RERE: variants seen among roughly 807,000 people sequenced by gnomAD.
The protein encoded by RERE is arginine-glutamic acid dipeptide repeats, also known as arginine-glutamic acid dipeptide repeats protein.
In RERE, 40 loss-of-function variants were observed where a neutral mutation model predicts 146.1. That is an observed-to-expected ratio of 0.27 (90% CI 0.21 to 0.36). RERE has a LOEUF of 0.36. RERE is among the 10% of genes least tolerant of loss of function. RERE has a pLI of 1.00. For missense variants in RERE, 1,933 were observed against 2,138.7 expected (o/e 0.90, Z 1.90); for synonymous variants, 1,003 against 866.0 (o/e 1.16, Z -2.78).
chr1:8,484,623 A>G (rs1644875603), intron 10 of RERE, among the ~76,000 whole-genome samples: 1 of 152,062 alleles, frequency 6.6e-6, no homozygotes, highest in Non-Finnish European at 1.5e-5. Flanking sequence ...AGGTTTCACT[A>G]TGTTAGCCAG....
intron 1 of RERE, among the ~76,000 whole-genome samples, chr1:8,702,179 A>T (rs1052900495): frequency 4.6e-5 from 7 of 152,198 alleles, no homozygotes; most frequent in African/African-American, 1.7e-4. Flanking sequence ...CTTAAAACAC[A>T]GAGGCACAAA....
chr1:8,667,548 G>C (rs537462435), intron 1 of RERE, among the ~76,000 whole-genome samples: 2 of 152,102 alleles, frequency 1.3e-5, no homozygotes, highest in Admixed American at 6.5e-5. Context: ...ATGGTGGCAC[G>C]TGCCTGTAAT....
intron 3 of RERE, among the ~76,000 whole-genome samples, chr1:8,622,259 T>C (rs111705054): frequency 0.033 from 5,083 of 152,176 alleles, 125 homozygotes; most frequent in Middle Eastern, 0.065. Context: ...CCTGCTAATG[T>C]GCAAAAACTG....
intron 12 of RERE, among the ~76,000 whole-genome samples, chr1:8,374,141 GCCAC>G (rs1439251658): frequency 2.0e-5 from 3 of 152,132 alleles, no homozygotes; most frequent in African/African-American, 7.2e-5. Flanking sequence ...GATCTAAACC[GCCAC>G]CCACGAGGAA....
chr1:8,762,039 T>G (rs1263206315), intron 1 of RERE, among the ~76,000 whole-genome samples: 1 of 152,220 alleles, frequency 6.6e-6, no homozygotes, highest in East Asian at 1.9e-4. Flanking sequence ...CTCTATCATG[T>G]CACTCCTTTA....
At chr1:8,509,081 A>C (rs1379414122) in intron 7 of RERE, among the ~76,000 whole-genome samples, 1 of 152,116 alleles carries the variant, frequency 6.6e-6, no homozygotes, top group Non-Finnish European at 1.5e-5. Context: ...CGCCCGGCTA[A>C]TTTTTGTAAT....
intron 1 of RERE, among the ~76,000 whole-genome samples, chr1:8,718,075 T>C (rs1247018669): frequency 6.6e-6 from 1 of 152,190 alleles, no homozygotes; most frequent in Non-Finnish European, 1.5e-5. Flanking sequence ...CATAAGTGCA[T>C]GCAATTTCAA....
At chr1:8,413,925 C>T (rs28638379) in intron 12 of RERE, among the ~76,000 whole-genome samples, 74,413 of 151,580 alleles carry the variant, frequency 0.49, 18,948 homozygotes, top group East Asian at 0.86. Context: ...CATGGTGGCG[C>T]ATGCCTATAA....
At chr1:8,397,209 G>A (rs1643085154) in intron 12 of RERE, among the ~76,000 whole-genome samples, 1 of 152,132 alleles carries the variant, frequency 6.6e-6, no homozygotes, top group African/African-American at 2.4e-5. Context: ...TAATCTCTCT[G>A]CCTCCTTTCT....
At chr1:8,377,960 C>T (rs1423363165) in intron 12 of RERE, among the ~76,000 whole-genome samples, 2 of 152,040 alleles carry the variant, frequency 1.3e-5, no homozygotes, top group South Asian at 4.1e-4. Context: ...GTAATGACTG[C>T]CAGGAAATGG....
At chr1:8,373,751 T>TC (rs1368452418) in intron 12 of RERE, among the ~76,000 whole-genome samples, 1 of 152,096 alleles carries the variant, frequency 6.6e-6, no homozygotes, top group East Asian at 1.9e-4. Context: ...TTCCTTTCCC[T>TC]CCCCAACGAT....
intron 4 of RERE, among the ~76,000 whole-genome samples, chr1:8,576,652 T>C (rs1023645244): frequency 2.0e-5 from 3 of 152,006 alleles, no homozygotes; most frequent in Non-Finnish European, 2.9e-5. Context: ...AAAACCATAA[T>C]AAAAAAATGC....
intron 12 of RERE, among the ~76,000 whole-genome samples, chr1:8,379,323 G>A (rs548828821): frequency 1.8e-4 from 27 of 152,234 alleles, no homozygotes; most frequent in East Asian, 5.8e-4. Context: ...ATGAAGCTGC[G>A]ACCGGGGAAA....
chr1:8,815,535 C>A (rs1308256829), intron 1 of RERE, among the ~76,000 whole-genome samples: 1 of 152,128 alleles, frequency 6.6e-6, no homozygotes, highest in Admixed American at 6.5e-5. Context: ...AAAGAAAGAG[C>A]AGCAGAAACC....
At chr1:8,615,128 T>C (rs1646837787) in intron 3 of RERE, among the ~76,000 whole-genome samples, 1 of 152,294 alleles carries the variant, frequency 6.6e-6, no homozygotes, top group East Asian at 1.9e-4. Flanking sequence ...ACATAAGACA[T>C]GTACTTAATA....
intron 1 of RERE, among the ~76,000 whole-genome samples, chr1:8,738,475 C>G (rs1640243218): frequency 6.6e-6 from 1 of 151,876 alleles, no homozygotes; most frequent in African/African-American, 2.4e-5. Context: ...CATGAGCCAC[C>G]ACACCCAGCC....
intron 19 of RERE, 101 bp downstream of exon 19, chr1:8,359,663 C>T (rs1326231961): frequency 3.0e-6 from 4 of 1,311,738 alleles, no homozygotes; most frequent in Admixed American, 1.8e-5. Context: ...TGCCAGGAGG[C>T]CGAGTCAGGC....
At chr1:8,468,084 A>G (rs1240647137) in intron 10 of RERE, among the ~76,000 whole-genome samples, 2 of 152,242 alleles carry the variant, frequency 1.3e-5, no homozygotes, top group Non-Finnish European at 2.9e-5. Flanking sequence ...AGCTATAAGA[A>G]TAAATCAACT....
At chr1:8,618,011 AAAC>A (rs1177844649) in intron 3 of RERE, among the ~76,000 whole-genome samples, 1 of 152,242 alleles carries the variant, frequency 6.6e-6, no homozygotes, top group Non-Finnish European at 1.5e-5. Context: ...GCACTGTATC[AAAC>A]AACTACTACT....
Sources: gnomAD v4.1 joint callset for allele counts (sites outside exome capture counted in the v4.1 genomes callset) on GRCh38, gnomAD v4.1.1 for gene constraint, MANE v1.5 for transcripts, NCBI Gene and HGNC (gene_info 2026-07-23, HGNC 2026-07-21) for gene names.